The following ARHGEF11 variants were observed in gnomAD, a reference collection of about 807,000 sequenced individuals.
ARHGEF11 encodes Rho guanine nucleotide exchange factor 11.
ARHGEF11 carries 55 observed loss-of-function variants against 193.7 expected under a neutral mutation model. The observed-to-expected ratio is 0.28, with a 90% CI of 0.23 to 0.36. The LOEUF (loss-of-function observed/expected upper bound fraction) is 0.36. Ranked by LOEUF, ARHGEF11 falls within the 10% of genes least tolerant of loss-of-function variation. ARHGEF11 has a pLI of 1.00. For synonymous variants in ARHGEF11, 693 were observed against 768.0 expected (o/e 0.90, Z 1.62); for missense variants, 1,723 against 2,005.6 (o/e 0.86, Z 2.69).
Position 156,942,764 on chromosome 1 carries a change from G to A in ARHGEF11, c.3252C>T (p.Phe1084=). ...RSVATDKRAF[F]IICTSKLGPP... ...GGCCCAGCTTGGAGGTGCAGATGAT[G>A]AAGAAGGCCCGTTTATCTGTGTGAG... The change falls in exon 33 of 41, where the codon TTC becomes TTT. Residue 1084 remains phenylalanine (F), a synonymous_variant. Coordinates refer to ENST00000368194, the MANE Select transcript of ARHGEF11 (RefSeq NM_198236.3). 2 of 1,614,092 alleles carry A rather than the reference G, an allele frequency of 1.2e-6. No individual in the cohort carries two copies. Among genetic ancestry groups the A allele is most frequent in the South Asian group, 2.2e-5 (2 of 91,080 alleles).
chr1:156,986,224 G>T, intron 1 of ARHGEF11, 51 bp from the exon 2 acceptor site: 1 of 1,485,088 alleles, frequency 6.7e-7, no homozygotes, highest in Non-Finnish European at 9.4e-7. Context: ...GGGGGGATCA[G>T]CCTTGTAGTA....
At chr1:157,002,632 C>G (rs910013718) in intron 1 of ARHGEF11, among the ~76,000 whole-genome samples, 1 of 152,140 alleles carries the variant, frequency 6.6e-6, no homozygotes, top group Admixed American at 6.6e-5. Flanking sequence ...CTCACTCCAA[C>G]TAGATGATAA....
intron 8 of ARHGEF11, among the ~76,000 whole-genome samples, chr1:156,970,930 A>C (rs1409203052): frequency 6.6e-6 from 1 of 152,248 alleles, no homozygotes; most frequent in Non-Finnish European, 1.5e-5. Flanking sequence ...GTAATATGAG[A>C]AGTCCTTCAG....
Position 157,044,690 on chromosome 1 carries a change from G to A in ARHGEF11, c.-360C>T. 2.3e-6 allele frequency: 1 copy of A among 427,388 alleles called. No homozygotes were observed. Among genetic ancestry groups the A allele is most frequent in the East Asian group, 3.3e-5 (1 of 29,948 alleles). 26.5% of individuals were successfully genotyped at this position (427,388 alleles called of 1,614,324 possible). Reference sequence around the variant, plus strand: ...AAAAAAAAATGAATCACAGAAAAATGTGCCTTCAAAATATCACTGTTAACT... The same window carrying A: ...AAAAAAAAATGAATCACAGAAAAATATGCCTTCAAAATATCACTGTTAACT... On this transcript the variant is annotated 5_prime_UTR_variant, in exon 1 of 41. Coordinates refer to ENST00000368194, the MANE Select transcript of ARHGEF11 (RefSeq NM_198236.3).
At chr1:156,980,367 C>T in intron 4 of ARHGEF11, 70 bp downstream of exon 4, 6 of 1,549,222 alleles carry the variant, frequency 3.9e-6, no homozygotes, top group Non-Finnish European at 4.4e-6. Flanking sequence ...GCAGGATGGG[C>T]CAAGGCCAGG....
At chr1:156,989,173 T>A (rs909520542) in intron 1 of ARHGEF11, among the ~76,000 whole-genome samples, 2 of 152,036 alleles carry the variant, frequency 1.3e-5, no homozygotes, top group African/African-American at 2.4e-5. Context: ...TCCCCCCAAA[T>A]TTGTACTCTA....
At position 156,977,053 on chromosome 1, in the gene ARHGEF11, T is replaced by G; in HGVS notation, c.512A>C (p.Asp171Ala). 2.5e-6 allele frequency: 4 copies of G among 1,613,928 alleles called. No homozygotes were observed. The highest frequency in any genetic ancestry group is 3.4e-6 in the Non-Finnish European group (4 of 1,179,842). The change falls in exon 7 of 41, where the codon GAT becomes GCT. Residue 171 changes from aspartate (D) to alanine (A), a missense_variant and splice_region_variant. Physicochemically the swap from Asp to Ala is moderately radical, Grantham distance 126. Transcript: ENST00000368194. ...QRITGPKPLQDPEVQKHATQI... is the reference protein window; with the variant it reads ...QRITGPKPLQAPEVQKHATQI... ...GGTGGCATGTTTTTGAACTTCGGGA[T>G]CCTAGACATGGAAAATATGGCAATA...
Position 157,026,054 on chromosome 1 carries a change from T to C in ARHGEF11, c.32+18245A>G, listed in dbSNP as rs1292877127. 5.9e-5 allele frequency among the ~76,000 whole-genome samples: 9 copies of C among 152,284 alleles called. No individual in the cohort carries two copies. The South Asian group carries it at 1.7e-3, about 28-fold the overall frequency. On this transcript the variant is annotated intron_variant, in intron 1 of 40. Coordinates refer to ENST00000368194, the MANE Select transcript of ARHGEF11 (RefSeq NM_198236.3). ...CACCCTAACTACATTCACCAAATAT[T>C]TGATCATCAAGACAGAAAATAAAAT...
intron 31 of ARHGEF11, 61 bp from the exon 32 acceptor site, chr1:156,944,163 A>C: frequency 6.4e-7 from 1 of 1,567,924 alleles, no homozygotes; most frequent in Non-Finnish European, 8.7e-7. Context: ...CATGAGCACA[A>C]TGCAGGGCCA....
chr1:156,968,035 G>T lies in ARHGEF11; in HGVS notation c.915C>A (p.His305Gln). 2 of 1,614,218 alleles carry T rather than the reference G, an allele frequency of 1.2e-6. No homozygotes were observed. Among genetic ancestry groups the T allele is most frequent in the Non-Finnish European group, 1.7e-6 (2 of 1,180,026 alleles). Reference protein sequence around the residue: ...SPVIMARVAQHHRRQGSDAAV... With the variant: ...SPVIMARVAQQHRRQGSDAAV... ...CTGCATCCGAGCCCTGCCGCCTGTG[G>T]TGCTGGGCCACCCTGGCCATGATCA... Residue 305 changes from histidine to glutamine, a missense_variant, in exon 11 of 41, where the codon CAC becomes CAA. Coordinates refer to ENST00000368194, the MANE Select transcript of ARHGEF11 (RefSeq NM_198236.3).
intron 34 of ARHGEF11, 75 bp downstream of exon 34, chr1:156,941,789 A>G (rs1657021157): frequency 2.6e-6 from 4 of 1,526,326 alleles, no homozygotes; most frequent in Non-Finnish European, 2.6e-6. Context: ...CACGGGGGCG[A>G]AGGGCTTAAA....
At chr1:157,040,419 A>G (rs1672594086) in intron 1 of ARHGEF11, among the ~76,000 whole-genome samples, 1 of 152,206 alleles carries the variant, frequency 6.6e-6, no homozygotes, top group Non-Finnish European at 1.5e-5. Context: ...TTTATTTTGA[A>G]TTAGGAAAGT....
chr1:156,936,043 A>G lies in ARHGEF11; in HGVS notation c.4646T>C (p.Leu1549Pro), dbSNP rs763340024. 2 of 1,613,920 alleles carry G rather than the reference A, an allele frequency of 1.2e-6. No homozygotes were observed. Among genetic ancestry groups the G allele is most frequent in the African/African-American group, 1.3e-5 (1 of 74,996 alleles). The change falls in exon 41 of 41, where the codon CTG (leucine) becomes CCG (proline). Residue 1549 changes from leucine (L) to proline (P), a missense_variant. This residue lies in a region of ARHGEF11 where 360 missense variants were observed against 344.4 expected (regional missense o/e 1.05). Coordinates refer to ENST00000368194, the MANE Select transcript of ARHGEF11 (RefSeq NM_198236.3). ...GGCTGCGTCTGCTGTGCTGTCTTCC[A>G]GGGGGGCGTCAGAGCCTGTGGGAGG... is the stretch of plus-strand genomic sequence containing the variant. ...PCPEDGSDAPLEDSTADAAAS... is the reference protein window; with the variant it reads ...PCPEDGSDAPPEDSTADAAAS...
intron 17 of ARHGEF11, among the ~76,000 whole-genome samples, chr1:156,958,509 T>A (rs1461795566): frequency 6.6e-6 from 1 of 152,158 alleles, no homozygotes. Flanking sequence ...CTGGGGCCCG[T>A]GGTCTGTCAT....
Position 156,935,829 on chromosome 1 carries a change from G to A in ARHGEF11, c.*171C>T, listed in dbSNP as rs1328669323. ...AGACACTGAAACCTGACTCCGACTT[G>A]AGCAGACCAAGCAACATGCGGGTCT... On this transcript the variant is annotated 3_prime_UTR_variant, in exon 41 of 41. Transcript: ENST00000368194. The A allele has an allele frequency of 2.8e-6, 2 of 704,270 alleles. No homozygotes were observed. Among genetic ancestry groups the A allele is most frequent in the Middle Eastern group, 4.2e-4 (1 of 2,400 alleles). 43.6% of individuals were successfully genotyped at this position (704,270 alleles called of 1,614,324 possible). A position where few individuals can be genotyped will look rare whatever the true frequency, so the allele number is the denominator to read the frequency against.
At chr1:156,958,550 C>T (rs898199084) in intron 17 of ARHGEF11, among the ~76,000 whole-genome samples, 192 bp downstream of exon 17, 1 of 152,200 alleles carries the variant, frequency 6.6e-6, no homozygotes, top group African/African-American at 2.4e-5. Flanking sequence ...GAGCTCCAGG[C>T]TCTGCCACAC....
chr1:156,978,905 T>C (rs1422477736), intron 5 of ARHGEF11, among the ~76,000 whole-genome samples: 1 of 152,242 alleles, frequency 6.6e-6, no homozygotes, highest in Non-Finnish European at 1.5e-5. Context: ...AGGAAGAATG[T>C]CCATGAATGG....
chr1:156,981,674 A>G (rs959539765), intron 3 of ARHGEF11, among the ~76,000 whole-genome samples: 4 of 150,954 alleles, frequency 2.6e-5, no homozygotes, highest in Admixed American at 2.0e-4. Flanking sequence ...GGGTTTCACC[A>G]TATTGCCCAG....
chr1:156,938,391 C>CT, intron 38 of ARHGEF11, 27 bp downstream of exon 38: 1 of 1,607,642 alleles, frequency 6.2e-7, no homozygotes, highest in Non-Finnish European at 8.5e-7. Flanking sequence ...CTTGGCCTGT[C>CT]TTTAGCTCCA....
Sources: allele counts gnomAD v4.1 joint callset (sites outside exome capture counted in the v4.1 genomes callset), GRCh38; gene constraint gnomAD v4.1.1; regional missense constraint gnomAD v4.1.1; transcripts MANE v1.5; gene names NCBI Gene and HGNC (gene_info 2026-07-23, HGNC 2026-07-21).